SIPA1L1: variants seen among roughly 807,000 people sequenced by gnomAD.
SIPA1L1 encodes signal-induced proliferation-associated 1-like protein 1.
SIPA1L1 carries 26 observed loss-of-function variants against 162.7 expected under a neutral mutation model. The ratio of observed to expected loss-of-function variants is 0.16; its 90% CI spans 0.12 to 0.22. The LOEUF (loss-of-function observed/expected upper bound fraction) is 0.22, where lower values mean the gene tolerates loss of function less well. Ranked by LOEUF, SIPA1L1 falls within the 10% of genes least tolerant of loss-of-function variation. The pLI, the probability that SIPA1L1 is intolerant of heterozygous loss-of-function variation, is 1.00. For synonymous variants in SIPA1L1, 829 were observed against 837.4 expected (o/e 0.99, Z 0.17); for missense variants, 1,874 against 2,241.0 (o/e 0.84, Z 3.31).
intron 2 of SIPA1L1, among the ~76,000 whole-genome samples, chr14:71,356,596 G>A (rs750152694): frequency 1.5e-4 from 4 of 27,044 alleles, no homozygotes; most frequent in South Asian, 1.7e-3. Context: ...AAGCACACCT[G>A]TTGTCCTAGC....
At chr14:71,347,162 C>T (rs1380414646) in intron 2 of SIPA1L1, among the ~76,000 whole-genome samples, 3 of 151,122 alleles carry the variant, frequency 2.0e-5, no homozygotes, top group African/African-American at 7.3e-5. Context: ...GGTATCACCG[C>T]GTTGGCCAGG....
chr14:71,417,488 A>AAAAG (rs1566995985), intron 2 of SIPA1L1, among the ~76,000 whole-genome samples: 3 of 142,820 alleles, frequency 2.1e-5, no homozygotes, highest in African/African-American at 7.6e-5. Context: ...AAAAAAAAAA[A>AAAAG]AAAAAAAAAA....
intron 2 of SIPA1L1, among the ~76,000 whole-genome samples, chr14:71,345,575 CTT>C (rs11405671): frequency 9.4e-5 from 13 of 138,998 alleles, no homozygotes; most frequent in East Asian, 6.2e-4. Flanking sequence ...ACAGCTTACT[CTT>C]TTTTTTTTTT....
rs1189940440 is a variant in SIPA1L1 at position 71,446,906 on chromosome 14, G to GTTTTTTTTTTTTTTTTT, written c.-464-65830_-464-65814dup. On this transcript the variant is annotated intron_variant, in intron 2 of 23. Coordinates refer to ENST00000381232, the MANE Select transcript of SIPA1L1 (RefSeq NM_001386936.1). ...AGAGATGGGCTCTGTTTTTTTTTTT[G>GTTTTTTTTTTTTTTTTT]TTTTTTTTTTTTTTTTTTTTTTTGA... Among the ~76,000 whole-genome samples, 26 of 53,238 alleles carry GTTTTTTTTTTTTTTTTT rather than the reference G, an allele frequency of 4.9e-4. 1 individual carries two copies. The highest frequency in any genetic ancestry group is 2.3e-3 in the East Asian group (3 of 1,320). The allele number at this position is 53,238 out of a possible 152,430, so 34.9% of individuals were successfully genotyped here.
chr14:71,366,822 G>A (rs533050013), intron 2 of SIPA1L1, among the ~76,000 whole-genome samples: 3 of 152,278 alleles, frequency 2.0e-5, no homozygotes, highest in African/African-American at 7.2e-5. Flanking sequence ...TGGGGATCAA[G>A]TTAAGTAATA....
At chr14:71,475,724 C>G (rs1235028546) in intron 2 of SIPA1L1, among the ~76,000 whole-genome samples, 1 of 152,144 alleles carries the variant, frequency 6.6e-6, no homozygotes, top group Non-Finnish European at 1.5e-5. Flanking sequence ...ATGGCCAGAG[C>G]TATGTACATA....
At chr14:71,658,584 T>G in intron 9 of SIPA1L1, 148 bp downstream of exon 9, 1 of 653,758 alleles carries the variant, frequency 1.5e-6, no homozygotes, top group South Asian at 1.8e-5. Context: ...AAGTAAGGAA[T>G]AGCAAATGAA....
At chr14:71,700,493 G>A (rs2082001063) in intron 14 of SIPA1L1, among the ~76,000 whole-genome samples, 1 of 152,204 alleles carries the variant, frequency 6.6e-6, no homozygotes, top group African/African-American at 2.4e-5. Flanking sequence ...AATGAAACAA[G>A]GACCCTTAGG....
At chr14:71,604,124 A>G (rs371697578) in intron 5 of SIPA1L1, among the ~76,000 whole-genome samples, 17 of 150,724 alleles carry the variant, frequency 1.1e-4, no homozygotes, top group African/African-American at 4.1e-4. Context: ...CAGCCCCCTG[A>G]GTAGCTGGGA....
At chr14:71,649,995 A>G (rs943958969) in intron 7 of SIPA1L1, among the ~76,000 whole-genome samples, 4 of 152,248 alleles carry the variant, frequency 2.6e-5, no homozygotes, top group African/African-American at 9.6e-5. Flanking sequence ...CCATAAAAAA[A>G]GAATTGCCTT....
At chr14:71,561,048 C>T (rs2056746797) in intron 4 of SIPA1L1, among the ~76,000 whole-genome samples, 1 of 152,058 alleles carries the variant, frequency 6.6e-6, no homozygotes, top group Non-Finnish European at 1.5e-5. Flanking sequence ...TGAATTTATG[C>T]TTTCTAAAAA....
intron 4 of SIPA1L1, among the ~76,000 whole-genome samples, chr14:71,550,595 C>T (rs1307187873): frequency 1.3e-5 from 2 of 151,632 alleles, no homozygotes; most frequent in Non-Finnish European, 2.9e-5. Flanking sequence ...AAGACAGCTC[C>T]GTTCTGGGCT....
chr14:71,638,546 C>T (rs1205256664), intron 7 of SIPA1L1, among the ~76,000 whole-genome samples: 1 of 152,160 alleles, frequency 6.6e-6, no homozygotes, highest in Non-Finnish European at 1.5e-5. Context: ...TGAAGAACAT[C>T]TACAAAACTT....
At chr14:71,712,690 A>C (rs1207941137) in intron 17 of SIPA1L1, among the ~76,000 whole-genome samples, 1 of 152,166 alleles carries the variant, frequency 6.6e-6, no homozygotes, top group African/African-American at 2.4e-5. Context: ...TTAGTCCAAA[A>C]TCCTCTAGAC....
intron 2 of SIPA1L1, among the ~76,000 whole-genome samples, chr14:71,465,410 T>C (rs374226300): frequency 7.2e-5 from 11 of 152,212 alleles, no homozygotes; most frequent in African/African-American, 2.2e-4. Context: ...CATCACTTTG[T>C]CCACTGAACT....
intron 2 of SIPA1L1, among the ~76,000 whole-genome samples, chr14:71,498,374 C>G (rs549656363): frequency 6.6e-6 from 1 of 152,224 alleles, no homozygotes; most frequent in South Asian, 2.1e-4. Flanking sequence ...TCTGGCAGTG[C>G]TTCCACTTCC....
At position 71,735,703 on chromosome 14, in the gene SIPA1L1, T is replaced by C. The variant is rs17101436; in HGVS notation, c.5123+312T>C. The C allele has an allele frequency of 9.8e-3, 2,247 of 228,628 alleles. 41 individuals carry two copies. Among genetic ancestry groups the C allele is most frequent in the African/African-American group, 0.048 (2,106 of 44,124 alleles). The allele number at this position is 228,628 out of a possible 1,614,324, so 14.2% of individuals were successfully genotyped here. On this transcript the variant is annotated intron_variant, in intron 22 of 23. Transcript: ENST00000381232. ...TTGCTCTAAGTATTCCTGTGCTCTGTGCTGTGTAGTCCTGCAGTCTGGGTT... is the reference window on the plus strand; with the variant it reads ...TTGCTCTAAGTATTCCTGTGCTCTGCGCTGTGTAGTCCTGCAGTCTGGGTT...
chr14:71,347,131 TC>T (rs1217794685), intron 2 of SIPA1L1, among the ~76,000 whole-genome samples: 1 of 151,252 alleles, frequency 6.6e-6, no homozygotes, highest in Non-Finnish European at 1.5e-5. Flanking sequence ...TTTTTTTTTT[TC>T]GTATTTTTAG....
At chr14:71,398,149 G>C (rs2041371457) in intron 2 of SIPA1L1, among the ~76,000 whole-genome samples, 1 of 150,884 alleles carries the variant, frequency 6.6e-6, no homozygotes, top group Non-Finnish European at 1.5e-5. Flanking sequence ...CCGAATGGCT[G>C]GGACTACAGG....
Sources: allele counts gnomAD v4.1 joint callset (sites outside exome capture counted in the v4.1 genomes callset), GRCh38; gene constraint gnomAD v4.1.1; transcripts MANE v1.5; gene names NCBI Gene and HGNC (gene_info 2026-07-23, HGNC 2026-07-21).